The following CLSTN2 variants were observed in gnomAD, a reference collection of about 807,000 sequenced individuals.
The protein encoded by CLSTN2 is calsyntenin 2.
CLSTN2 carries 48 observed loss-of-function variants against 101.2 expected under a neutral mutation model. The observed-to-expected ratio is 0.47, with a 90% CI of 0.38 to 0.60. CLSTN2 has a LOEUF of 0.60. Among genes scored for constraint, CLSTN2 ranks in the 20% least tolerant of loss-of-function variants. CLSTN2 has a pLI of 0.00. For synonymous variants in CLSTN2, 481 were observed against 463.6 expected (o/e 1.04, Z -0.48); for missense variants, 1,160 against 1,238.2 (o/e 0.94, Z 0.95).
chr3:140,040,257 A>G (rs2007734963), intron 1 of CLSTN2, among the ~76,000 whole-genome samples: 1 of 152,126 alleles, frequency 6.6e-6, no homozygotes, highest in African/African-American at 2.4e-5. Context: ...AACAGATGGC[A>G]CTGCGCTATC....
chr3:139,959,367 T>C (rs1488329241), intron 1 of CLSTN2, among the ~76,000 whole-genome samples: 1 of 152,230 alleles, frequency 6.6e-6, no homozygotes, highest in African/African-American at 2.4e-5. Context: ...TTGAGGTACA[T>C]AGTGTCGTTA....
intron 2 of CLSTN2, among the ~76,000 whole-genome samples, chr3:140,204,578 T>C (rs921890439): frequency 6.6e-6 from 1 of 152,234 alleles, no homozygotes; most frequent in Non-Finnish European, 1.5e-5. Flanking sequence ...CTTGGATTAG[T>C]TGATTGTAAA....
intron 2 of CLSTN2, among the ~76,000 whole-genome samples, chr3:140,255,139 G>A (rs2086594614): frequency 6.6e-6 from 1 of 152,106 alleles, no homozygotes; most frequent in South Asian, 2.1e-4. Flanking sequence ...TGATTTAAAA[G>A]CAAAAAAATA....
intron 2 of CLSTN2, among the ~76,000 whole-genome samples, chr3:140,276,113 C>T (rs368410831): frequency 2.6e-5 from 4 of 152,244 alleles, no homozygotes; most frequent in Middle Eastern, 3.4e-3. Flanking sequence ...TCAATTTCCA[C>T]CCAGAGAGCA....
intron 2 of CLSTN2, among the ~76,000 whole-genome samples, chr3:140,312,006 A>T (rs555106535): frequency 4.6e-5 from 7 of 152,228 alleles, no homozygotes; most frequent in Admixed American, 1.3e-4. Flanking sequence ...GAGGTAATGC[A>T]ATTAAGCCTG....
At chr3:140,519,595 C>A (rs984496374) in intron 8 of CLSTN2, among the ~76,000 whole-genome samples, 13 of 151,196 alleles carry the variant, frequency 8.6e-5, no homozygotes, top group Admixed American at 8.6e-4. Context: ...ATTACCTTGT[C>A]TTTTTTTTTC....
chr3:140,071,287 T>C (rs2008387827), intron 1 of CLSTN2, among the ~76,000 whole-genome samples: 1 of 152,078 alleles, frequency 6.6e-6, no homozygotes, highest in Non-Finnish European at 1.5e-5. Context: ...TCTAGATGGG[T>C]ACAATAGTCA....
intron 2 of CLSTN2, among the ~76,000 whole-genome samples, chr3:140,347,579 T>C (rs558135936): frequency 1.3e-5 from 2 of 152,372 alleles, no homozygotes; most frequent in South Asian, 2.1e-4. Context: ...CAGTGGATTA[T>C]TTCTCTTCTG....
intron 1 of CLSTN2, among the ~76,000 whole-genome samples, chr3:140,144,874 A>G (rs2009757975): frequency 1.3e-5 from 2 of 152,166 alleles, no homozygotes; most frequent in South Asian, 4.1e-4. Context: ...CTCCTGTCTG[A>G]AACAACTTCC....
chr3:140,211,567 T>G (rs2010855845), intron 2 of CLSTN2, among the ~76,000 whole-genome samples: 1 of 151,276 alleles, frequency 6.6e-6, no homozygotes, highest in Non-Finnish European at 1.5e-5. Flanking sequence ...AGTGTGTGTG[T>G]GTATATATAT....
intron 12 of CLSTN2, among the ~76,000 whole-genome samples, chr3:140,560,714 G>C (rs1576378228): frequency 6.6e-6 from 1 of 152,152 alleles, no homozygotes; most frequent in Non-Finnish European, 1.5e-5. Context: ...AGAACCATGA[G>C]AAAATGGCAG....
chr3:140,110,337 C>A (rs963587770), intron 1 of CLSTN2, among the ~76,000 whole-genome samples: 3 of 152,154 alleles, frequency 2.0e-5, no homozygotes, highest in African/African-American at 7.2e-5. Flanking sequence ...AGGGCATGAA[C>A]TACTCCATAA....
chr3:140,123,799 G>T (rs1213780754), intron 1 of CLSTN2, among the ~76,000 whole-genome samples: 1 of 148,236 alleles, frequency 6.7e-6, no homozygotes, highest in Non-Finnish European at 1.5e-5. Flanking sequence ...GAGAGAGATG[G>T]AGACATATAT....
chr3:140,349,528 G>C (rs2087583999), intron 2 of CLSTN2, among the ~76,000 whole-genome samples: 1 of 152,114 alleles, frequency 6.6e-6, no homozygotes, highest in Non-Finnish European at 1.5e-5. Flanking sequence ...ATACAATCCT[G>C]TAGATTCTTA....
At chr3:139,989,986 A>C (rs568370245) in intron 1 of CLSTN2, among the ~76,000 whole-genome samples, 4 of 152,378 alleles carry the variant, frequency 2.6e-5, no homozygotes, top group Non-Finnish European at 4.4e-5. Context: ...TCAAAGCCAG[A>C]TGGCTGAACT....
intron 1 of CLSTN2, among the ~76,000 whole-genome samples, chr3:140,134,617 C>A (rs1405677798): frequency 6.6e-6 from 1 of 152,186 alleles, no homozygotes; most frequent in Non-Finnish European, 1.5e-5. Flanking sequence ...GGAGTTACCA[C>A]ATGGTTATCA....
intron 1 of CLSTN2, among the ~76,000 whole-genome samples, chr3:140,045,420 T>G (rs145999012): frequency 3.9e-5 from 6 of 152,096 alleles, no homozygotes; most frequent in Non-Finnish European, 8.8e-5. Context: ...TCTCTTTTCT[T>G]TTTTATTAGT....
intron 2 of CLSTN2, among the ~76,000 whole-genome samples, chr3:140,209,349 T>A (rs2107845658): frequency 6.6e-6 from 1 of 152,322 alleles, no homozygotes; most frequent in East Asian, 1.9e-4. Context: ...TCCCTTATGC[T>A]TTCAGGACAG....
rs1985714265 is a variant in CLSTN2, at chr3:140,575,806, GTGTGTGTATA to G, written c.*9560_*9569del. ...TGGACAGCTGATTATATATATGTGT[GTGTGTGTATA>G]TGTGTGCATATATGTGTACATATAC... On this transcript the variant is annotated 3_prime_UTR_variant, in exon 17 of 17. Coordinates refer to ENST00000458420, the MANE Select transcript of CLSTN2 (RefSeq NM_022131.3). 3 of 152,106 alleles carry G rather than the reference GTGTGTGTATA, an allele frequency of 2.0e-5. No individual in the cohort carries two copies. The highest frequency in any genetic ancestry group is 1.3e-4 in the Admixed American group (2 of 15,268). The allele number at this position is 152,106 out of a possible 1,614,324, so 9.4% of individuals were successfully genotyped here.
Sources: gnomAD v4.1 joint callset for allele counts (sites outside exome capture counted in the v4.1 genomes callset) on GRCh38, gnomAD v4.1.1 for gene constraint, MANE v1.5 for transcripts, NCBI Gene and HGNC (gene_info 2026-07-23, HGNC 2026-07-21) for gene names.